HTT: variants seen among roughly 807,000 people sequenced by gnomAD.
The protein encoded by HTT is huntington disease protein.
Under a neutral mutation model 362.3 loss-of-function variants are expected in HTT, and 104 were observed. The ratio of observed to expected loss-of-function variants is 0.29; its 90% CI spans 0.24 to 0.34. The LOEUF (loss-of-function observed/expected upper bound fraction) is 0.34, where lower values mean the gene tolerates loss of function less well. Among genes scored for constraint, HTT ranks in the 10% least tolerant of loss-of-function variants. The pLI is 1.00. For synonymous variants in HTT, 1,577 were observed against 1,548.7 expected, an observed-to-expected ratio of 1.02 and a Z score of -0.43; for missense variants, 3,301 against 3,928.6, an observed-to-expected ratio of 0.84 and a Z score of 4.27.
chr4:3,210,919 T>TTTTTTTTTTTG (rs1720125781), intron 47 of HTT, among the ~76,000 whole-genome samples: 1 of 150,638 alleles, frequency 6.6e-6, no homozygotes, highest in South Asian at 2.1e-4. Flanking sequence ...TTTTTTTTTT[T>TTTTTTTTTTTG]GAGACAAAGT....
intron 29 of HTT, among the ~76,000 whole-genome samples, chr4:3,171,828 GT>G (rs1717993284): frequency 6.6e-6 from 1 of 152,160 alleles, no homozygotes; most frequent in African/African-American, 2.4e-5. Flanking sequence ...CGTTATAGAT[GT>G]TGATAAAAAT....
intron 2 of HTT, among the ~76,000 whole-genome samples, chr4:3,094,909 T>A (rs372009628): frequency 3.8e-4 from 55 of 143,396 alleles, no homozygotes; most frequent in African/African-American, 1.2e-3. Context: ...CGGGCAGAGG[T>A]GCTCTTCACA....
At chr4:3,120,468 A>G (rs967166096) in intron 8 of HTT, among the ~76,000 whole-genome samples, 2 of 152,102 alleles carry the variant, frequency 1.3e-5, no homozygotes, top group African/African-American at 4.8e-5. Context: ...TGGGTCCCCA[A>G]CCCCCAGGCT....
At chr4:3,105,296 A>G (rs1313679079) in intron 4 of HTT, 61 bp from the exon 5 acceptor site, 2 of 1,120,868 alleles carry the variant, frequency 1.8e-6, no homozygotes, top group Non-Finnish European at 1.4e-6. Context: ...CTTCGTTTCT[A>G]TGCAACCCTC....
intron 28 of HTT, among the ~76,000 whole-genome samples, chr4:3,159,208 G>T (rs1390839673): frequency 6.6e-6 from 1 of 152,080 alleles, no homozygotes; most frequent in East Asian, 1.9e-4. Context: ...TCTTGCTTTG[G>T]TTTCGAGTCT....
chr4:3,228,427 A>C lies in HTT; in HGVS notation c.7849-188A>C, dbSNP rs1488167535. Among the ~76,000 whole-genome samples the C allele has an allele frequency of 1.3e-5, 2 of 152,138 alleles. No homozygotes were observed. Among genetic ancestry groups the C allele is most frequent in the East Asian group, 3.9e-4 (2 of 5,180 alleles). ...TTAGCATGTGCTGGAGCTTCCCAGC[A>C]GCTGTCCAGCCCCTGCCCCACCCTC... is the stretch of plus-strand genomic sequence containing the variant. On this transcript the variant is annotated intron_variant, in intron 57 of 66. Coordinates refer to ENST00000355072, the MANE Select transcript of HTT (RefSeq NM_001388492.1). This position sits in a 1 kb window ranked among gnomAD's most constrained non-coding sequence, Gnocchi z 4.3.
chr4:3,165,260 T>C (rs1190851071), intron 29 of HTT, among the ~76,000 whole-genome samples: 1 of 152,262 alleles, frequency 6.6e-6, no homozygotes, highest in Non-Finnish European at 1.5e-5. Context: ...CACTCTTTTC[T>C]GGCTTGTAGG....
chr4:3,125,744 AG>A, intron 11 of HTT, 115 bp downstream of exon 11: 1 of 742,194 alleles, frequency 1.3e-6, no homozygotes, highest in South Asian at 1.5e-5. Flanking sequence ...GCAGCAGTGG[AG>A]CCAGGTTGCT....
intron 2 of HTT, among the ~76,000 whole-genome samples, chr4:3,092,376 T>C (rs1713560371): frequency 6.6e-6 from 1 of 152,200 alleles, no homozygotes; most frequent in African/African-American, 2.4e-5. Flanking sequence ...ATATTTTGTT[T>C]ACTTTTTATT....
At chr4:3,166,879 G>A (rs182761915) in intron 29 of HTT, among the ~76,000 whole-genome samples, 4 of 152,346 alleles carry the variant, frequency 2.6e-5, no homozygotes, top group East Asian at 1.9e-4. Flanking sequence ...GAAGTCCCCC[G>A]ACCCCTTGTG....
At chr4:3,179,695 G>C (rs1718412568) in intron 35 of HTT, among the ~76,000 whole-genome samples, 1 of 150,526 alleles carries the variant, frequency 6.6e-6, no homozygotes, top group South Asian at 2.1e-4. Flanking sequence ...GTGCCTCTGT[G>C]TGTGTGCTCA....
At chr4:3,184,443 G>C (rs183051017) in intron 37 of HTT, among the ~76,000 whole-genome samples, 2 of 152,098 alleles carry the variant, frequency 1.3e-5, no homozygotes, top group Non-Finnish European at 2.9e-5. Context: ...GTTGAGAATA[G>C]CCTTGAGGGG....
At chr4:3,165,154 G>A (rs996302682) in intron 29 of HTT, among the ~76,000 whole-genome samples, 1 of 152,152 alleles carries the variant, frequency 6.6e-6, no homozygotes, top group Admixed American at 6.6e-5. Context: ...GTCTGTAAAG[G>A]ATTTTATTTC....
chr4:3,205,127 A>G (rs1038179040), intron 42 of HTT, among the ~76,000 whole-genome samples: 33 of 152,214 alleles, frequency 2.2e-4, no homozygotes, highest in African/African-American at 8.0e-4. Context: ...CTAGCATCAC[A>G]TATTTACCAT....
At chr4:3,140,045 G>A (rs778595927) in intron 21 of HTT, among the ~76,000 whole-genome samples, 10 of 152,036 alleles carry the variant, frequency 6.6e-5, no homozygotes, top group Non-Finnish European at 1.5e-4. Flanking sequence ...ACGAGGTCAG[G>A]AGTTCAAGAG....
intron 27 of HTT, among the ~76,000 whole-genome samples, chr4:3,155,730 A>G (rs1462790476): frequency 7.8e-6 from 1 of 128,452 alleles, no homozygotes; most frequent in African/African-American, 3.4e-5. Flanking sequence ...AAATACCACA[A>G]AAAAAAAAAA....
intron 2 of HTT, among the ~76,000 whole-genome samples, chr4:3,093,388 A>G (rs1210366980): frequency 1.3e-5 from 2 of 152,356 alleles, no homozygotes; most frequent in Admixed American, 1.3e-4. Context: ...AATTGTTCGC[A>G]ACAAAAATAA....
chr4:3,196,012 G>A (rs1470811472), intron 40 of HTT, among the ~76,000 whole-genome samples: 1 of 152,192 alleles, frequency 6.6e-6, no homozygotes, highest in East Asian at 1.9e-4. Flanking sequence ...TCTCTGATGT[G>A]TTTTCTGTGA....
Position 3,220,250 on chromosome 4 carries a change from G to C in HTT, c.7311G>C (p.Val2437=). 6.2e-7 allele frequency: 1 copy of C among 1,614,110 alleles called. No homozygotes were observed. The highest frequency in any genetic ancestry group is 1.1e-5 in the South Asian group (1 of 91,070). Residue 2437 remains valine, a synonymous_variant, in exon 53 of 67, where the codon GTG becomes GTC. Transcript: ENST00000355072. The stretch of plus-strand genomic sequence containing the variant: ...GCACAGCATTCCCTGAGATCCCCGT[G>C]GAGTTCCTCCAGGAAAAGGAAGTCT... The part of the protein sequence containing the change: ...DFGTAFPEIP[V]EFLQEKEVFK...
Sources: allele counts gnomAD v4.1 joint callset (sites outside exome capture counted in the v4.1 genomes callset), GRCh38; gene constraint gnomAD v4.1.1; non-coding constraint Gnocchi (gnomAD v3.1); transcripts MANE v1.5; gene names NCBI Gene and HGNC (gene_info 2026-07-23, HGNC 2026-07-21).